The following TTC7B variants were observed in gnomAD, a reference collection of about 807,000 sequenced individuals.
The protein encoded by TTC7B is tetratricopeptide repeat domain 7B, also known as tetratricopeptide repeat protein 7B.
Under a neutral mutation model 106.8 loss-of-function variants are expected in TTC7B, and 28 were observed. The ratio of observed to expected loss-of-function variants is 0.26; its 90% CI spans 0.19 to 0.36. The LOEUF (loss-of-function observed/expected upper bound fraction) is 0.36, where lower values mean the gene tolerates loss of function less well. Ranked by LOEUF, TTC7B falls within the 10% of genes least tolerant of loss-of-function variation. The pLI, the probability that TTC7B is intolerant of heterozygous loss-of-function variation, is 1.00. For synonymous variants in TTC7B, 405 were observed against 430.6 expected (o/e 0.94, Z 0.74); for missense variants, 862 against 1,076.4 (o/e 0.80, Z 2.79).
At chr14:90,730,287 A>G in intron 4 of TTC7B, 91 bp from the exon 5 acceptor site, 1 of 1,455,114 alleles carries the variant, frequency 6.9e-7, no homozygotes, top group Middle Eastern at 1.8e-4. Context: ...CTCGACCTAA[A>G]AAACCAACTT....
intron 19 of TTC7B, among the ~76,000 whole-genome samples, chr14:90,553,694 G>T (rs144198467): frequency 6.6e-6 from 1 of 152,160 alleles, no homozygotes; most frequent in Non-Finnish European, 1.5e-5. Context: ...CCAGAACAGC[G>T]CACGCTCCCT....
intron 5 of TTC7B, among the ~76,000 whole-genome samples, chr14:90,720,311 T>C (rs1888842771): frequency 1.3e-5 from 2 of 152,170 alleles, no homozygotes; most frequent in African/African-American, 4.8e-5. Context: ...ATGGGTACCT[T>C]TCCTCCTCAA....
chr14:90,603,197 G>A, intron 17 of TTC7B: 1 of 1,124,222 alleles, frequency 8.9e-7, no homozygotes, highest in African/African-American at 1.6e-5. Context: ...TCCGTGGTGG[G>A]GGGAGTGTGA....
chr14:90,757,438 T>A lies in TTC7B; in HGVS notation c.446-12516A>T, dbSNP rs951021217. Reference sequence around the variant, plus strand: ...CAGCCTGGGTGACAGGGCAGGACCCTGTCTCTAAAAAAAGAAAGAAAGAAA... The same window carrying A: ...CAGCCTGGGTGACAGGGCAGGACCCAGTCTCTAAAAAAAGAAAGAAAGAAA... On this transcript the variant is annotated intron_variant, in intron 3 of 19. Coordinates refer to ENST00000328459, the MANE Select transcript of TTC7B (RefSeq NM_001010854.2). The surrounding 1 kb of genome is among the most constrained non-coding windows in gnomAD (Gnocchi z 4.1). 6.6e-6 allele frequency among the ~76,000 whole-genome samples: 1 copy of A among 152,036 alleles called. No homozygotes were observed. Among genetic ancestry groups the A allele is most frequent in the Non-Finnish European group, 1.5e-5 (1 of 68,016 alleles).
chr14:90,722,350 C>G (rs930504920), intron 5 of TTC7B, among the ~76,000 whole-genome samples: 4 of 152,146 alleles, frequency 2.6e-5, no homozygotes, highest in African/African-American at 9.7e-5. Context: ...TAAAATGAAC[C>G]TGATCCTACT....
rs562110868 is a variant in TTC7B, at chr14:90,559,904, G to C, written c.2310+18202C>G. 2.0e-5 allele frequency among the ~76,000 whole-genome samples: 3 copies of C among 152,330 alleles called. No individual in the cohort carries two copies. In the South Asian group the frequency reaches 6.2e-4, roughly 32 times the overall value. On this transcript the variant is annotated intron_variant, in intron 19 of 19. Coordinates refer to ENST00000328459, the MANE Select transcript of TTC7B (RefSeq NM_001010854.2). ...TAGAATTCAAACAAGGGGCTCTTTT[G>C]CTCCACAACGCGCGCTCCCCCACCG...
At chr14:90,675,070 C>T (rs536432757) in intron 9 of TTC7B, 2 of 116,248 alleles carry the variant, frequency 1.7e-5, no homozygotes, top group East Asian at 4.5e-4. Context: ...ATGACCACCC[C>T]CTAGAACGTT....
intron 3 of TTC7B, among the ~76,000 whole-genome samples, chr14:90,779,407 C>A (rs1200648432): frequency 6.6e-6 from 1 of 152,134 alleles, no homozygotes; most frequent in Admixed American, 6.5e-5. Flanking sequence ...GGGTTTCCAG[C>A]AATTCTCCTG....
At chr14:90,597,152 AG>A (rs1178265513) in intron 17 of TTC7B, among the ~76,000 whole-genome samples, 1 of 152,236 alleles carries the variant, frequency 6.6e-6, no homozygotes, top group Non-Finnish European at 1.5e-5. Context: ...ACATTTCACC[AG>A]GGCAGAGAGC....
At chr14:90,547,902 C>T (rs371720133) in intron 19 of TTC7B, among the ~76,000 whole-genome samples, 6 of 152,258 alleles carry the variant, frequency 3.9e-5, no homozygotes, top group African/African-American at 7.2e-5. Context: ...GTCCCTCTAA[C>T]GGTACAGATA....
intron 1 of TTC7B, among the ~76,000 whole-genome samples, chr14:90,787,736 T>A (rs916158652): frequency 2.6e-5 from 4 of 152,184 alleles, no homozygotes; most frequent in Admixed American, 2.0e-4. Flanking sequence ...CTTAGCATGC[T>A]CTATCTATGT....
At chr14:90,621,818 T>G (rs1884213531) in intron 15 of TTC7B, among the ~76,000 whole-genome samples, 1 of 152,228 alleles carries the variant, frequency 6.6e-6, no homozygotes, top group Non-Finnish European at 1.5e-5. Context: ...TCATCCTATT[T>G]GCTGAACCTG....
intron 3 of TTC7B, among the ~76,000 whole-genome samples, chr14:90,766,098 C>T (rs1595358982): frequency 6.6e-6 from 1 of 151,454 alleles, no homozygotes; most frequent in Non-Finnish European, 1.5e-5. Flanking sequence ...CAAATATATA[C>T]CCCAGGCTGA....
chr14:90,598,885 C>T lies in TTC7B; in HGVS notation c.1967-5259G>A, dbSNP rs141010282. On this transcript the variant is annotated intron_variant, in intron 17 of 19. Transcript: ENST00000328459. Reference sequence around the variant, plus strand: ...GGCACAGGCTGGGCGTGGTGGCTCACGCCTGTAATCCCAGCACTTTGGGAG... The same window carrying T: ...GGCACAGGCTGGGCGTGGTGGCTCATGCCTGTAATCCCAGCACTTTGGGAG... Among the ~76,000 whole-genome samples the T allele has an allele frequency of 4.6e-3, 706 of 152,326 alleles. 6 individuals carry two copies. Among genetic ancestry groups the T allele is most frequent in the Non-Finnish European group, 8.2e-3 (557 of 68,018 alleles).
At chr14:90,745,069 T>G (rs1889910617) in intron 3 of TTC7B, 147 bp from the exon 4 acceptor site, 1 of 789,228 alleles carries the variant, frequency 1.3e-6, no homozygotes, top group East Asian at 2.7e-5. Flanking sequence ...TCAATCTGGA[T>G]GCTTTTTATT....
At chr14:90,788,144 A>G (rs1250357732) in intron 1 of TTC7B, among the ~76,000 whole-genome samples, 3 of 152,188 alleles carry the variant, frequency 2.0e-5, no homozygotes, top group Non-Finnish European at 4.4e-5. Context: ...AGCCTGGGCG[A>G]CAGAGTGGGA....
intron 4 of TTC7B, among the ~76,000 whole-genome samples, chr14:90,735,415 A>G (rs1483001080): frequency 6.6e-6 from 1 of 151,968 alleles, no homozygotes; most frequent in Non-Finnish European, 1.5e-5. Context: ...GCTGAGGCGG[A>G]AGGATTGCTT....
intron 3 of TTC7B, among the ~76,000 whole-genome samples, chr14:90,779,551 C>T (rs929196068): frequency 1.9e-4 from 29 of 152,182 alleles, no homozygotes; most frequent in African/African-American, 5.8e-4. Context: ...GTGATCTGCC[C>T]GCCTTGGCCT....
intron 16 of TTC7B, among the ~76,000 whole-genome samples, chr14:90,616,892 C>G (rs537225192): frequency 6.6e-6 from 1 of 152,260 alleles, no homozygotes; most frequent in East Asian, 1.9e-4. Context: ...TATCAGCTGA[C>G]CAGACACCTT....
Sources: gnomAD v4.1 joint callset for allele counts (sites outside exome capture counted in the v4.1 genomes callset) on GRCh38, gnomAD v4.1.1 for gene constraint, Gnocchi (gnomAD v3.1) non-coding constraint, MANE v1.5 for transcripts, NCBI Gene and HGNC (gene_info 2026-07-23, HGNC 2026-07-21) for gene names.